UXS1: variants seen among roughly 807,000 people sequenced by gnomAD.
UXS1 encodes UDP-glucuronate decarboxylase 1, also known as UDP-glucuronic acid decarboxylase 1.
In UXS1, 33 loss-of-function variants were observed where a neutral mutation model predicts 62.6. The observed-to-expected ratio is 0.53, with a 90% CI of 0.40 to 0.70. The LOEUF (loss-of-function observed/expected upper bound fraction) is 0.70. Among genes scored for constraint, UXS1 ranks in the 30% least tolerant of loss-of-function variants. UXS1 has a pLI of 0.00. For synonymous variants in UXS1, 213 were observed against 206.8 expected, an observed-to-expected ratio of 1.03 and a Z score of -0.26; for missense variants, 434 against 556.3, an observed-to-expected ratio of 0.78 and a Z score of 2.21.
chr2:106,163,254 G>A (rs191246947), intron 4 of UXS1, among the ~76,000 whole-genome samples: 5 of 152,270 alleles, frequency 3.3e-5, no homozygotes, highest in African/African-American at 7.2e-5. Flanking sequence ...ATGAACTCTG[G>A]TGACAAAAGC....
At chr2:106,188,996 A>AAT (rs1184177360) in intron 1 of UXS1, among the ~76,000 whole-genome samples, 1 of 152,254 alleles carries the variant, frequency 6.6e-6, no homozygotes, top group East Asian at 1.9e-4. Context: ...AAATCACTAG[A>AAT]AGAGTCTAAA....
chr2:106,096,472 C>T (rs1448579807), intron 14 of UXS1, among the ~76,000 whole-genome samples: 2 of 152,126 alleles, frequency 1.3e-5, no homozygotes, highest in Non-Finnish European at 2.9e-5. Flanking sequence ...TGTGTGTGTG[C>T]ATGAGAGATT....
intron 1 of UXS1, among the ~76,000 whole-genome samples, chr2:106,176,733 T>C (rs1573571750): frequency 6.6e-6 from 1 of 152,182 alleles, no homozygotes. Flanking sequence ...AAATAAAAAG[T>C]CAATCTGGGG....
chr2:106,155,908 T>C (rs1163659493), intron 5 of UXS1, among the ~76,000 whole-genome samples: 3 of 152,140 alleles, frequency 2.0e-5, no homozygotes, highest in African/African-American at 7.2e-5. Context: ...TAGCTCAAAA[T>C]GGATCACAGG....
chr2:106,188,219 T>C (rs1452792620), intron 1 of UXS1, among the ~76,000 whole-genome samples: 2 of 152,122 alleles, frequency 1.3e-5, no homozygotes, highest in Non-Finnish European at 2.9e-5. Context: ...TGTTCTTGTT[T>C]AAGGAATCAA....
At chr2:106,178,231 C>T (rs1267196484) in intron 1 of UXS1, among the ~76,000 whole-genome samples, 1 of 152,204 alleles carries the variant, frequency 6.6e-6, no homozygotes, top group Non-Finnish European at 1.5e-5. Flanking sequence ...GCCATCCCCA[C>T]GTGGCACTTC....
At chr2:106,131,318 G>T (rs1244371500) in intron 6 of UXS1, among the ~76,000 whole-genome samples, 1 of 90,092 alleles carries the variant, frequency 1.1e-5, no homozygotes. Context: ...AGGCGGCAAC[G>T]AGGCTGGGGG....
At chr2:106,170,552 A>G (rs1487062716) in intron 1 of UXS1, among the ~76,000 whole-genome samples, 1 of 152,172 alleles carries the variant, frequency 6.6e-6, no homozygotes, top group Non-Finnish European at 1.5e-5. Flanking sequence ...CGCTATAACC[A>G]ATTAATCTTT....
chr2:106,112,785 A>C lies in UXS1; in HGVS notation c.760-20T>G. 1.2e-6 allele frequency: 2 copies of C among 1,610,964 alleles called. No homozygotes were observed. The highest frequency in any genetic ancestry group is 1.7e-6 in the Non-Finnish European group (2 of 1,178,658). ...GCCTTCCTGGAACAGAGAGAAGAGG[A>C]GGTCAGGTGTGCTCCCCTGTGTGGT... On this transcript the variant is annotated intron_variant, in intron 9 of 14. Coordinates refer to ENST00000283148, the MANE Select transcript of UXS1 (RefSeq NM_001253875.2).
chr2:106,125,799 AC>A (rs1679890598), intron 7 of UXS1, 120 bp from the exon 8 acceptor site: 2 of 747,190 alleles, frequency 2.7e-6, no homozygotes, highest in South Asian at 6.3e-5. Flanking sequence ...CCAATTATCT[AC>A]CCTTACTGCG....
At chr2:106,142,194 A>C (rs1344685812) in intron 6 of UXS1, among the ~76,000 whole-genome samples, 1 of 152,190 alleles carries the variant, frequency 6.6e-6, no homozygotes, top group Non-Finnish European at 1.5e-5. Context: ...AGTTTATAGA[A>C]AGATTAAAAA....
At chr2:106,101,139 G>A in intron 11 of UXS1, 21 bp from the exon 12 acceptor site, 1 of 1,613,696 alleles carries the variant, frequency 6.2e-7, no homozygotes, top group Non-Finnish European at 8.5e-7. Context: ...AGGGGAGGCA[G>A]GTGAGGCTCT....
At chr2:106,123,510 CATG>C (rs1377162410) in intron 8 of UXS1, among the ~76,000 whole-genome samples, 1 of 152,158 alleles carries the variant, frequency 6.6e-6, no homozygotes, top group African/African-American at 2.4e-5. Flanking sequence ...ATCTCTGGAA[CATG>C]ATGACTTTGA....
At chr2:106,120,013 G>C (rs1396619224) in intron 9 of UXS1, among the ~76,000 whole-genome samples, 1 of 152,176 alleles carries the variant, frequency 6.6e-6, no homozygotes, top group African/African-American at 2.4e-5. Context: ...TGTCTCAGCT[G>C]TGAGGTGTCT....
intron 5 of UXS1, among the ~76,000 whole-genome samples, chr2:106,152,859 C>A (rs1237698796): frequency 7.5e-6 from 1 of 134,132 alleles, no homozygotes; most frequent in African/African-American, 2.6e-5. Context: ...AAGTTCCATG[C>A]CAAGAGGGGC....
chr2:106,094,212 C>CTCAGGAAGGAAGTGCCACCTT, intron 14 of UXS1, 55 bp from the exon 15 acceptor site: 1 of 1,186,126 alleles, frequency 8.4e-7, no homozygotes, highest in Non-Finnish European at 1.2e-6. Flanking sequence ...AGAAGGGCAT[C>CTCAGGAAGGAAGTGCCACCTT]GCAGGAAGGA....
At chr2:106,181,537 G>A (rs982138108) in intron 1 of UXS1, among the ~76,000 whole-genome samples, 1 of 152,020 alleles carries the variant, frequency 6.6e-6, no homozygotes, top group Admixed American at 6.6e-5. Flanking sequence ...TGGGCAACAT[G>A]GTGAAACCCT....
rs763058263 is a variant in UXS1, at chr2:106,123,487, T to A, written c.638-396A>T. On this transcript the variant is annotated intron_variant, in intron 8 of 14. Coordinates refer to ENST00000283148, the MANE Select transcript of UXS1 (RefSeq NM_001253875.2). ...AAATCATGTATTTATTGAAAAAAAA[T>A]GAAAAACGCAGCATCTCTGGAACAT... is the stretch of plus-strand genomic sequence containing the variant. Among the ~76,000 whole-genome samples the A allele has an allele frequency of 1.6e-3, 237 of 151,998 alleles. 2 individuals are homozygous for A. Among genetic ancestry groups the A allele is most frequent in the Non-Finnish European group, 2.8e-3 (187 of 67,938 alleles).
intron 8 of UXS1, 146 bp downstream of exon 8, chr2:106,125,474 C>T (rs1373394151): frequency 4.6e-6 from 3 of 652,372 alleles, no homozygotes; most frequent in South Asian, 5.5e-5. Context: ...CTTGGCGACC[C>T]GGGAGGCCGA....
Sources: gnomAD v4.1 joint callset for allele counts (sites outside exome capture counted in the v4.1 genomes callset) on GRCh38, gnomAD v4.1.1 for gene constraint, MANE v1.5 for transcripts, NCBI Gene and HGNC (gene_info 2026-07-23, HGNC 2026-07-21) for gene names.